Variants in SIM1 observed in about 807,000 individuals in gnomAD.
The protein encoded by SIM1 is single-minded homolog 1.
Under a neutral mutation model 78.2 loss-of-function variants are expected in SIM1, and 18 were observed. The ratio of observed to expected loss-of-function variants is 0.23; its 90% CI spans 0.16 to 0.34. The LOEUF (loss-of-function observed/expected upper bound fraction) is 0.34, where lower values mean the gene tolerates loss of function less well. Among genes scored for constraint, SIM1 ranks in the 10% least tolerant of loss-of-function variants. The pLI, the probability that SIM1 is intolerant of heterozygous loss-of-function variation, is 1.00. For synonymous variants in SIM1, 417 were observed against 385.2 expected (o/e 1.08, Z -0.97); for missense variants, 939 against 975.1 (o/e 0.96, Z 0.49).
intron 10 of SIM1, among the ~76,000 whole-genome samples, chr6:100,417,641 C>T (rs1379702320): frequency 6.6e-6 from 1 of 152,198 alleles, no homozygotes; most frequent in Admixed American, 6.5e-5. Flanking sequence ...CTTCTTCCAA[C>T]AGAAACGGTG....
chr6:100,462,597 A>G (rs528410353), intron 2 of SIM1: 2 of 152,168 alleles, frequency 1.3e-5, no homozygotes, highest in African/African-American at 2.4e-5. Context: ...CACCCAGAAG[A>G]TATTTTCTAA....
At chr6:100,400,590 C>T (rs1398689037) in intron 10 of SIM1, among the ~76,000 whole-genome samples, 1 of 152,016 alleles carries the variant, frequency 6.6e-6, no homozygotes, top group Non-Finnish European at 1.5e-5. Context: ...CTTTGAAGAG[C>T]TTTACATAGG....
At chr6:100,392,119 A>G (rs1018028103) in intron 11 of SIM1, among the ~76,000 whole-genome samples, 3 of 152,222 alleles carry the variant, frequency 2.0e-5, no homozygotes, top group Admixed American at 2.0e-4. Flanking sequence ...GGTTGCAGTG[A>G]GCCGAGATCG....
intron 2 of SIM1, among the ~76,000 whole-genome samples, chr6:100,455,713 G>A (rs948702307): frequency 1.3e-5 from 2 of 152,214 alleles, no homozygotes; most frequent in African/African-American, 4.8e-5. Flanking sequence ...GCACTCGAGC[G>A]AGCCTGGAGC....
intron 4 of SIM1, 90 bp downstream of exon 4, chr6:100,450,177 A>C: frequency 9.8e-7 from 1 of 1,016,746 alleles, no homozygotes. Flanking sequence ...GGTTTAGAGA[A>C]GCACACCCAG....
chr6:100,425,050 G>C (rs1355092282), intron 9 of SIM1, among the ~76,000 whole-genome samples: 1 of 152,110 alleles, frequency 6.6e-6, no homozygotes, highest in Non-Finnish European at 1.5e-5. Context: ...CCAGGGGGAG[G>C]TAATTGAATC....
chr6:100,390,493 G>A lies in SIM1; in HGVS notation c.2169C>T (p.Asp723=). ...AGGAATAGTTTCTAATGGTTTCGCT[G>A]TCATATAAGTGCTCCAGGGCATATC... ...LTGYALEHLY[D]SETIRNYSLG... is the part of the protein sequence containing the mutation. Residue 723 remains aspartate (D), a synonymous_variant, in exon 12 of 12, where the codon GAC becomes GAT. Transcript: ENST00000369208. The A allele has an allele frequency of 6.2e-7, 1 of 1,614,160 alleles. No individual in the cohort carries two copies. Among genetic ancestry groups the A allele is most frequent in the South Asian group, 1.1e-5 (1 of 91,086 alleles).
At chr6:100,424,580 C>T (rs938258216) in intron 9 of SIM1, among the ~76,000 whole-genome samples, 1 of 152,006 alleles carries the variant, frequency 6.6e-6, no homozygotes, top group African/African-American at 2.4e-5. Context: ...GGACTACAGG[C>T]ATGCACCACC....
At chr6:100,445,337 T>C (rs531439917) in intron 9 of SIM1, among the ~76,000 whole-genome samples, 186 of 152,346 alleles carry the variant, frequency 1.2e-3, no homozygotes, top group Non-Finnish European at 2.1e-3. Context: ...TTTCATCTTG[T>C]GTGCTGTGTA....
At position 100,390,680 on chromosome 6, in the gene SIM1, G is replaced by A; in HGVS notation, c.1982C>T (p.Pro661Leu). 2 of 1,614,052 alleles carry A rather than the reference G, an allele frequency of 1.2e-6. No homozygotes were observed. Among genetic ancestry groups the A allele is most frequent in the Non-Finnish European group, 1.7e-6 (2 of 1,180,030 alleles). The change falls in exon 12 of 12, where the codon CCC becomes CTC. Residue 661 changes from proline (P) to leucine (L), a missense_variant. Transcript: ENST00000369208. ...GGATTTTGAAATGCGATCCGAATTGGGACTACTTATCCGAGATAGTGCGGT... is the reference window on the plus strand; with the variant it reads ...GGATTTTGAAATGCGATCCGAATTGAGACTACTTATCCGAGATAGTGCGGT... The part of the protein sequence containing the change: ...SPTALSRISS[P>L]NSDRISKSSL...
At chr6:100,425,020 C>T (rs1219696868) in intron 9 of SIM1, among the ~76,000 whole-genome samples, 1 of 152,112 alleles carries the variant, frequency 6.6e-6, no homozygotes, top group Non-Finnish European at 1.5e-5. Flanking sequence ...CCCAGAATTC[C>T]CACGTGTTGT....
chr6:100,453,040 G>C (rs1036520281), intron 3 of SIM1, among the ~76,000 whole-genome samples: 2 of 152,138 alleles, frequency 1.3e-5, no homozygotes, highest in Non-Finnish European at 2.9e-5. Context: ...TTGCAGGGTT[G>C]GGACAAGCGC....
intron 9 of SIM1, among the ~76,000 whole-genome samples, chr6:100,428,086 T>A (rs1468746343): frequency 6.6e-6 from 1 of 152,350 alleles, no homozygotes; most frequent in East Asian, 1.9e-4. Flanking sequence ...GATTCTTAAA[T>A]TCTCAGATTA....
intron 10 of SIM1, among the ~76,000 whole-genome samples, chr6:100,406,555 C>A (rs895267495): frequency 1.3e-5 from 2 of 152,114 alleles, no homozygotes; most frequent in African/African-American, 4.8e-5. Flanking sequence ...AGGCCCTCCA[C>A]CAAGTTGAGC....
intron 9 of SIM1, among the ~76,000 whole-genome samples, chr6:100,423,928 T>G (rs989292861): frequency 4.6e-5 from 7 of 152,276 alleles, no homozygotes; most frequent in African/African-American, 1.7e-4. Flanking sequence ...CAGTAAGAAT[T>G]GTGCACCCAT....
rs1223196891 is a variant in SIM1, at chr6:100,448,520, G to A, written c.702C>T (p.Phe234=). 3 of 1,614,006 alleles carry A rather than the reference G, an allele frequency of 1.9e-6. No individual in the cohort carries two copies. The highest frequency in any genetic ancestry group is 2.2e-5 in the South Asian group (2 of 91,078). ...TGAGCTTCATGTCCAGGCTGGCGCG[G>A]AACATAAACATATTGCTGTGTAGCT... is the stretch of plus-strand genomic sequence containing the variant. ...EIKLHSNMFM[F]RASLDMKLIF... is the part of the protein sequence containing the mutation. Residue 234 remains phenylalanine (F), a synonymous_variant, in exon 7 of 12, where the codon TTC becomes TTT. Coordinates refer to ENST00000369208, the MANE Select transcript of SIM1 (RefSeq NM_005068.3).
chr6:100,462,936 T>C (rs1413248215), intron 2 of SIM1: 1 of 189,586 alleles, frequency 5.3e-6, no homozygotes, highest in African/African-American at 2.3e-5. Flanking sequence ...CTCCTGGTTT[T>C]TACTGGACAA....
At chr6:100,441,814 G>A (rs1772224918) in intron 9 of SIM1, among the ~76,000 whole-genome samples, 1 of 152,206 alleles carries the variant, frequency 6.6e-6, no homozygotes, top group Non-Finnish European at 1.5e-5. Flanking sequence ...CAACCACAAA[G>A]AGGCAGCTTC....
At position 100,390,597 on chromosome 6, in the gene SIM1, CT is replaced by C. The variant is rs767863856; in HGVS notation, c.2064del (p.Gly689GlufsTer25). 38 of 1,614,068 alleles carry C rather than the reference CT, an allele frequency of 2.4e-5. No homozygotes were observed. The highest frequency in any genetic ancestry group is 3.1e-5 in the Non-Finnish European group (36 of 1,180,044). ...LHSDISPHQT[A>X]GDHPTVSPNC... is the part of the protein sequence containing the mutation. ...TTTGGAGAGACAGTAGGGTGGTCTC[CT>C]GCTGTCTGATGAGGAGATATATCCG... On this transcript the variant is annotated frameshift_variant, in exon 12 of 12. Transcript: ENST00000369208. LOFTEE classifies it high-confidence loss of function.
Sources: allele counts gnomAD v4.1 joint callset (sites outside exome capture counted in the v4.1 genomes callset), GRCh38; gene constraint gnomAD v4.1.1; transcripts MANE v1.5; gene names NCBI Gene and HGNC (gene_info 2026-07-23, HGNC 2026-07-21).